Variants in ARHGAP10 observed in about 807,000 individuals in gnomAD.
ARHGAP10 encodes Rho GTPase activating protein 10, also known as rho GTPase-activating protein 10.
In ARHGAP10, 87 loss-of-function variants were observed where a neutral mutation model predicts 108.6. The observed-to-expected ratio is 0.80, with a 90% CI of 0.67 to 0.96. ARHGAP10 has a LOEUF of 0.96. Ranked by LOEUF, ARHGAP10 falls within the 40% of genes least tolerant of loss-of-function variation. The pLI, the probability that ARHGAP10 is intolerant of heterozygous loss-of-function variation, is 0.00. For missense variants in ARHGAP10, 939 were observed against 954.5 expected (o/e 0.98, Z 0.21); for synonymous variants, 347 against 341.1 (o/e 1.02, Z -0.19).
intron 15 of ARHGAP10, among the ~76,000 whole-genome samples, chr4:147,949,694 C>T (rs367553837): frequency 6.6e-5 from 10 of 152,118 alleles, no homozygotes; most frequent in East Asian, 1.9e-4. Context: ...GACCAAGAGA[C>T]GTACTGCCAC....
At chr4:147,784,749 ATATTAT>A (rs1730775573) in intron 1 of ARHGAP10, among the ~76,000 whole-genome samples, 2 of 23,928 alleles carry the variant, frequency 8.4e-5, no homozygotes, top group African/African-American at 7.8e-5. Context: ...TTATAAATAT[ATATTAT>A]AAAATGTATA....
At chr4:147,741,026 TC>T (rs1459231165) in intron 1 of ARHGAP10, among the ~76,000 whole-genome samples, 1 of 152,214 alleles carries the variant, frequency 6.6e-6, no homozygotes, top group Non-Finnish European at 1.5e-5. Context: ...TATACTTTTT[TC>T]CCTCTGAATA....
At chr4:148,064,298 G>T in intron 21 of ARHGAP10, 118 bp from the exon 22 acceptor site, 1 of 694,778 alleles carries the variant, frequency 1.4e-6, no homozygotes, top group Non-Finnish European at 2.4e-6. Flanking sequence ...TTTCTCTTTT[G>T]GGAGGAGTTG....
Position 147,879,291 on chromosome 4 carries a change from A to T in ARHGAP10, c.892A>T (p.Lys298Ter). Residue 298 changes from lysine (K) to a stop codon, truncating the protein, a stop_gained, in exon 9 of 23, where the codon AAG becomes TAG. Coordinates refer to ENST00000336498, the MANE Select transcript of ARHGAP10 (RefSeq NM_024605.4). LOFTEE classifies it high-confidence loss of function. ...CTATTGCATGTATCGAAAAGCAGCA[A>T]AGAAGTTCAACATGATCCCATTTGA... is the stretch of plus-strand genomic sequence containing the variant. ...KHYCMYRKAA[K>*]KFNMIPFEHR... The T allele has an allele frequency of 6.2e-7, 1 of 1,614,138 alleles. No individual in the cohort carries two copies. Among genetic ancestry groups the T allele is most frequent in the Non-Finnish European group, 8.5e-7 (1 of 1,179,980 alleles).
chr4:148,057,553 C>T (rs1236857354), intron 20 of ARHGAP10, among the ~76,000 whole-genome samples: 1 of 152,210 alleles, frequency 6.6e-6, no homozygotes, highest in Non-Finnish European at 1.5e-5. Context: ...GCATCTAGCA[C>T]AGGGCTAGAT....
At chr4:147,959,319 G>C (rs1738903747) in intron 16 of ARHGAP10, among the ~76,000 whole-genome samples, 1 of 151,910 alleles carries the variant, frequency 6.6e-6, no homozygotes, top group African/African-American at 2.4e-5. Context: ...TGGGCTAGCA[G>C]GAGAGAGACT....
At chr4:147,911,643 T>C (rs905372268) in intron 12 of ARHGAP10, among the ~76,000 whole-genome samples, 4 of 148,718 alleles carry the variant, frequency 2.7e-5, no homozygotes, top group Admixed American at 2.0e-4. Context: ...ATTACAGGCG[T>C]GAGCCACCGC....
At chr4:147,882,641 T>C (rs11099671) in intron 10 of ARHGAP10, among the ~76,000 whole-genome samples, 112,386 of 152,078 alleles carry the variant, frequency 0.74, 46,131 homozygotes, top group Non-Finnish European at 0.92. Context: ...GTCTACATCC[T>C]GTACGTGATG....
At chr4:147,984,870 G>A (rs1483225546) in intron 18 of ARHGAP10, among the ~76,000 whole-genome samples, 10 of 152,308 alleles carry the variant, frequency 6.6e-5, no homozygotes, top group East Asian at 5.8e-4. Flanking sequence ...TGGTCTGAGC[G>A]CCCTGCTCCA....
intron 18 of ARHGAP10, among the ~76,000 whole-genome samples, chr4:147,995,718 C>G (rs186956184): frequency 6.6e-6 from 1 of 152,184 alleles, no homozygotes; most frequent in Non-Finnish European, 1.5e-5. Flanking sequence ...TGGTCCATCT[C>G]TCTCTCTTTT....
intron 18 of ARHGAP10, among the ~76,000 whole-genome samples, chr4:148,008,566 G>A (rs1180815978): frequency 1.3e-5 from 2 of 151,744 alleles, no homozygotes; most frequent in Admixed American, 6.6e-5. Flanking sequence ...CCACAACAAC[G>A]ACTTAGCAGT....
intron 10 of ARHGAP10, among the ~76,000 whole-genome samples, chr4:147,903,835 A>G (rs1736346617): frequency 6.6e-6 from 1 of 152,148 alleles, no homozygotes; most frequent in Non-Finnish European, 1.5e-5. Context: ...GATGTACTAC[A>G]GTTTATTCAT....
At chr4:147,766,500 A>G (rs1560746533) in intron 1 of ARHGAP10, among the ~76,000 whole-genome samples, 2 of 151,504 alleles carry the variant, frequency 1.3e-5, no homozygotes, top group Admixed American at 6.6e-5. Context: ...CAGTCAGTTG[A>G]ATCCATGGAT....
rs142931536 is a variant in ARHGAP10, at chr4:147,919,043, G to C, written c.1228+5904G>C. On this transcript the variant is annotated intron_variant, in intron 13 of 22. Coordinates refer to ENST00000336498, the MANE Select transcript of ARHGAP10 (RefSeq NM_024605.4). ...TCCAATTGCTTCCGAAGGTGGCTCA[G>C]TTCTCCTTACCTCTTTCTTAACATG... Among the ~76,000 whole-genome samples the C allele has an allele frequency of 4.3e-3, 650 of 152,302 alleles. 3 individuals carry two copies. The highest frequency in any genetic ancestry group is 7.6e-3 in the Non-Finnish European group (515 of 68,036).
intron 18 of ARHGAP10, among the ~76,000 whole-genome samples, chr4:147,980,891 G>T (rs533760665): frequency 6.6e-6 from 1 of 152,160 alleles, no homozygotes; most frequent in East Asian, 1.9e-4. Context: ...CGGTTGTTAT[G>T]TCACCTTTGT....
intron 1 of ARHGAP10, among the ~76,000 whole-genome samples, chr4:147,786,457 T>C (rs2126740352): frequency 6.6e-6 from 1 of 152,244 alleles, no homozygotes; most frequent in African/African-American, 2.4e-5. Context: ...AGTCTCAAAA[T>C]CTGTAGGAAG....
intron 18 of ARHGAP10, among the ~76,000 whole-genome samples, chr4:147,979,124 C>T (rs1319249998): frequency 1.3e-5 from 2 of 152,020 alleles, no homozygotes; most frequent in Non-Finnish European, 2.9e-5. Flanking sequence ...AAATTTTTTG[C>T]CTAGGCGACT....
chr4:147,772,859 G>A (rs1730132392), intron 1 of ARHGAP10, among the ~76,000 whole-genome samples: 1 of 151,970 alleles, frequency 6.6e-6, no homozygotes, highest in African/African-American at 2.4e-5. Flanking sequence ...TTCTTGGTGG[G>A]GTGGATGAGT....
rs1408679478 is a variant in ARHGAP10, at chr4:147,755,804, G to GGT, written c.154+23360_154+23361dup. Among the ~76,000 whole-genome samples the GGT allele has an allele frequency of 3.3e-5, 5 of 151,842 alleles. No homozygotes were observed. The East Asian group carries it at 7.8e-4, about 24-fold the overall frequency. Reference sequence around the variant, plus strand: ...GTGTGGGTGTGTGTGAGTGGTTGTGGGTGTGTGTGTGTAGTGCATTATGAG... The same window carrying GGT: ...GTGTGGGTGTGTGTGAGTGGTTGTGGGTGTGTGTGTGTGTAGTGCATTATGAG... On this transcript the variant is annotated intron_variant, in intron 1 of 22. Transcript: ENST00000336498.
Sources: gnomAD v4.1 joint callset for allele counts (sites outside exome capture counted in the v4.1 genomes callset) on GRCh38, gnomAD v4.1.1 for gene constraint, MANE v1.5 for transcripts, NCBI Gene and HGNC (gene_info 2026-07-23, HGNC 2026-07-21) for gene names.